ACSF2: variants seen among roughly 807,000 people sequenced by gnomAD.
ACSF2 encodes the protein acyl-CoA synthetase family member 2.
In ACSF2, 52 loss-of-function variants were observed where a neutral mutation model predicts 79.3. The ratio of observed to expected loss-of-function variants is 0.66; its 90% CI spans 0.53 to 0.83. ACSF2 has a LOEUF of 0.83. ACSF2 is among the 40% of genes least tolerant of loss of function. The probability of loss-of-function intolerance (pLI) is 0.00; values close to 1 mark genes in which losing one functional copy is unlikely to be tolerated. For synonymous variants in ACSF2, 283 were observed against 312.6 expected, an observed-to-expected ratio of 0.91 and a Z score of 1.00; for missense variants, 661 against 803.3, an observed-to-expected ratio of 0.82 and a Z score of 2.14.
At chr17:50,465,325 C>G (rs1451872677) in intron 10 of ACSF2, 1 of 1,613,964 alleles carries the variant, frequency 6.2e-7, no homozygotes, top group East Asian at 2.2e-5. Context: ...TCTTGGACCT[C>G]TTGGTGGGGA....
At chr17:50,453,021 G>C (rs765663183) in intron 1 of ACSF2, among the ~76,000 whole-genome samples, 1 of 152,212 alleles carries the variant, frequency 6.6e-6, no homozygotes, top group Non-Finnish European at 1.5e-5. Context: ...AATCACCTAT[G>C]CCCTCTCCTT....
In ACSF2 at chr17:50,474,683, GA is replaced by G. The variant is rs760762368; in HGVS notation, c.*133del. On this transcript the variant is annotated 3_prime_UTR_variant, in exon 16 of 16. Transcript: ENST00000300441. The surrounding 1 kb of genome is among the most constrained non-coding windows in gnomAD (Gnocchi z 4.2). ...CACATCAAATGTCAAGGAATTGACT[GA>G]ACGAACTAAGAGCTCCTGGATGGGT... 110 of 1,039,664 alleles carry G rather than the reference GA, an allele frequency of 1.1e-4. No individual in the cohort carries two copies. Among genetic ancestry groups the G allele is most frequent in the Admixed American group, 1.3e-4 (6 of 47,118 alleles). 64.4% of individuals were successfully genotyped at this position (1,039,664 alleles called of 1,614,324 possible). A position where few individuals can be genotyped will look rare whatever the true frequency, so the allele number is the denominator to read the frequency against.
In ACSF2 at chr17:50,474,524, A is replaced by C; in HGVS notation, c.1820A>C (p.Glu607Ala). 6.2e-7 allele frequency: 1 copy of C among 1,614,194 alleles called. No homozygotes were observed. Among genetic ancestry groups the C allele is most frequent in the South Asian group, 1.1e-5 (1 of 91,088 alleles). The change falls in exon 16 of 16, where the codon GAG (glutamate) becomes GCG (alanine). Residue 607 changes from glutamate (E) to alanine (A), a missense_variant. Glu to Ala is a moderately radical substitution (Grantham distance 107). Coordinates refer to ENST00000300441, the MANE Select transcript of ACSF2 (RefSeq NM_025149.6). The surrounding 1 kb of genome is among the most constrained non-coding windows in gnomAD (Gnocchi z 4.2). ...TAGATCCAGAAATTCAAACTTCGAG[A>C]GCAGATGGAACGACATCTAAATCTG... ...SGKIQKFKLREQMERHLNL is the reference protein window; with the variant it reads ...SGKIQKFKLRAQMERHLNL
chr17:50,427,182 G>C (rs991738832), intron 1 of ACSF2, among the ~76,000 whole-genome samples: 2 of 152,228 alleles, frequency 1.3e-5, no homozygotes, highest in Non-Finnish European at 2.9e-5. Flanking sequence ...CTATGGTCAG[G>C]ACAGCACTTT....
chr17:50,464,341 T>A, intron 10 of ACSF2, 47 bp downstream of exon 10: 2 of 1,575,158 alleles, frequency 1.3e-6, no homozygotes, highest in Non-Finnish European at 1.7e-6. Flanking sequence ...AGGCCTGGGA[T>A]GACAGCAGAT....
intron 1 of ACSF2, among the ~76,000 whole-genome samples, chr17:50,444,789 T>TCTTC (rs1225549878): frequency 2.0e-5 from 3 of 152,206 alleles, no homozygotes; most frequent in Non-Finnish European, 4.4e-5. Context: ...CATGGGCACC[T>TCTTC]CTTCCTATGC....
rs759491764 is a variant in ACSF2, at chr17:50,474,532, G to A, written c.1828G>A (p.Glu610Lys). The change falls in exon 16 of 16, where the codon GAA (glutamate) becomes AAA (lysine). Residue 610 changes from glutamate (E) to lysine (K), a missense_variant. Physicochemically the swap from Glu to Lys is moderately conservative, Grantham distance 56 (BLOSUM62 1). Transcript: ENST00000300441. This position sits in a 1 kb window ranked among gnomAD's most constrained non-coding sequence, Gnocchi z 4.2. ...IQKFKLREQM[E>K]RHLNL is the part of the protein sequence containing the mutation. Reference sequence around the variant, plus strand: ...GAAATTCAAACTTCGAGAGCAGATGGAACGACATCTAAATCTGTGAATAAA... The same window carrying A: ...GAAATTCAAACTTCGAGAGCAGATGAAACGACATCTAAATCTGTGAATAAA... 4.5e-5 allele frequency: 72 copies of A among 1,614,052 alleles called. 1 individual carries two copies. In the East Asian group the frequency reaches 1.6e-3, roughly 36 times the overall value.
chr17:50,463,411 G>C lies in ACSF2; in HGVS notation c.905G>C (p.Arg302Pro). ...KLHEKTPEQL[R>P]MILPNPLYHC... ...CATCACCAGACACCAGAGCAGTTGC[G>C]GATGATCCTGCCCAACCCCCTGTAC... Residue 302 changes from arginine to proline, a missense_variant, in exon 8 of 16, where the codon CGG (arginine) becomes CCG (proline). Transcript: ENST00000300441. The surrounding 1 kb of genome is among the most constrained non-coding windows in gnomAD (Gnocchi z 4.6). The C allele has an allele frequency of 6.2e-7, 1 of 1,613,984 alleles. No homozygotes were observed. Among genetic ancestry groups the C allele is most frequent in the East Asian group, 2.2e-5 (1 of 44,884 alleles).
chr17:50,456,760 A>G (rs1261422013), intron 1 of ACSF2, among the ~76,000 whole-genome samples: 1 of 143,590 alleles, frequency 7.0e-6, no homozygotes, highest in Non-Finnish European at 1.5e-5. Flanking sequence ...ATAAAATAAA[A>G]TAAAAAAGGT....
Position 50,463,593 on chromosome 17 carries a change from C to T in ACSF2, c.1046+41C>T. ...CAGGCTACTTGTGGGCTGATAAAAC[C>T]CTCTTCTTCCTCACTCCTGGGCCCT... On this transcript the variant is annotated intron_variant, in intron 8 of 15. Coordinates refer to ENST00000300441, the MANE Select transcript of ACSF2 (RefSeq NM_025149.6). This position sits in a 1 kb window ranked among gnomAD's most constrained non-coding sequence, Gnocchi z 4.6. The T allele has an allele frequency of 1.2e-6, 2 of 1,602,644 alleles. No homozygotes were observed. The highest frequency in any genetic ancestry group is 1.7e-6 in the Non-Finnish European group (2 of 1,173,478).
chr17:50,462,034 G>C (rs950558893), intron 4 of ACSF2, 150 bp from the exon 5 acceptor site: 1 of 682,300 alleles, frequency 1.5e-6, no homozygotes, highest in Non-Finnish European at 2.5e-6. Context: ...GTGTGCATTT[G>C]TCTTGGAGTG....
In ACSF2 at chr17:50,474,126, C is replaced by A; in HGVS notation, c.1729-73C>A. The A allele has an allele frequency of 1.3e-6, 2 of 1,598,708 alleles. No individual in the cohort carries two copies. The highest frequency in any genetic ancestry group is 1.7e-6 in the Non-Finnish European group (2 of 1,166,648). Reference sequence around the variant, plus strand: ...CGAAGCTGACTCCTGGCCAGGCCAGCCCCTGGTCCCCTACCCATACCCCTG... The same window carrying A: ...CGAAGCTGACTCCTGGCCAGGCCAGACCCTGGTCCCCTACCCATACCCCTG... On this transcript the variant is annotated intron_variant, in intron 14 of 15. Transcript: ENST00000300441. This position sits in a 1 kb window ranked among gnomAD's most constrained non-coding sequence, Gnocchi z 4.2.
chr17:50,461,566 G>A (rs941657885), intron 3 of ACSF2, 67 bp from the exon 4 acceptor site: 1 of 1,609,030 alleles, frequency 6.2e-7, no homozygotes, highest in Non-Finnish European at 8.5e-7. Context: ...GCCTCCTGGG[G>A]GCGGAGGGGC....
In ACSF2 at chr17:50,474,288, T is replaced by C; in HGVS notation, c.1797+21T>C. ...GAAAGGTGTGTAAGGTGGAGGAGGCTGGGGAGGGCAGCCTGGGCTCTGGGG... is the reference window on the plus strand; with the variant it reads ...GAAAGGTGTGTAAGGTGGAGGAGGCCGGGGAGGGCAGCCTGGGCTCTGGGG... On this transcript the variant is annotated intron_variant, in intron 15 of 15. Coordinates refer to ENST00000300441, the MANE Select transcript of ACSF2 (RefSeq NM_025149.6). The surrounding 1 kb of genome is among the most constrained non-coding windows in gnomAD (Gnocchi z 4.2). 1 of 1,613,882 alleles carries C rather than the reference T, an allele frequency of 6.2e-7. No homozygotes were observed. The highest frequency in any genetic ancestry group is 8.5e-7 in the Non-Finnish European group (1 of 1,179,788).
In ACSF2 at chr17:50,473,743, G is replaced by T; in HGVS notation, c.1554G>T (p.Glu518Asp). 1.2e-6 allele frequency: 2 copies of T among 1,614,206 alleles called. No homozygotes were observed. The highest frequency in any genetic ancestry group is 1.7e-6 in the Non-Finnish European group (2 of 1,180,046). The change falls in exon 13 of 16, where the codon GAG becomes GAT. Residue 518 changes from glutamate to aspartate, a missense_variant. Physicochemically the swap from Glu to Asp is conservative, Grantham distance 45. Coordinates refer to ENST00000300441, the MANE Select transcript of ACSF2 (RefSeq NM_025149.6). The part of the protein sequence containing the change: ...RSKDMIIRGG[E>D]NIYPAELEDF... The stretch of plus-strand genomic sequence containing the variant: ...AGGATATGATCATCCGGGGTGGTGA[G>T]AACATCTACCCCGCAGAGCTCGAGG...
chr17:50,470,501 T>C (rs912316267), intron 10 of ACSF2, among the ~76,000 whole-genome samples: 2 of 152,054 alleles, frequency 1.3e-5, no homozygotes, highest in Non-Finnish European at 2.9e-5. Flanking sequence ...GGGGGACGCC[T>C]GCCCCAAGGC....
At position 50,474,117 on chromosome 17, in the gene ACSF2, C is replaced by A. The variant is rs2143818668; in HGVS notation, c.1729-82C>A. The A allele has an allele frequency of 6.3e-7, 1 of 1,595,170 alleles. No individual in the cohort carries two copies. The highest frequency in any genetic ancestry group is 8.6e-7 in the Non-Finnish European group (1 of 1,164,322). On this transcript the variant is annotated intron_variant, in intron 14 of 15. Transcript: ENST00000300441. The surrounding 1 kb of genome is among the most constrained non-coding windows in gnomAD (Gnocchi z 4.2). ...TGCCCTTGACGAAGCTGACTCCTGG[C>A]CAGGCCAGCCCCTGGTCCCCTACCC...
intron 6 of ACSF2, chr17:50,462,851 C>T (rs2032433315): frequency 1.7e-6 from 1 of 583,002 alleles, no homozygotes; most frequent in Non-Finnish European, 3.0e-6. Context: ...GGAACTGCTA[C>T]AGGCTGCCCC....
intron 1 of ACSF2, among the ~76,000 whole-genome samples, chr17:50,432,602 G>A (rs1277299950): frequency 6.6e-6 from 1 of 152,188 alleles, no homozygotes; most frequent in Non-Finnish European, 1.5e-5. Flanking sequence ...CCATGGGACT[G>A]TTCTAATAAC....
Sources: gnomAD v4.1 joint callset for allele counts (sites outside exome capture counted in the v4.1 genomes callset) on GRCh38, gnomAD v4.1.1 for gene constraint, Gnocchi (gnomAD v3.1) non-coding constraint, MANE v1.5 for transcripts, NCBI Gene and HGNC (gene_info 2026-07-23, HGNC 2026-07-21) for gene names.